Variants in CAPN9 observed in about 807,000 individuals in gnomAD.
The protein encoded by CAPN9 is calpain 9.
Under a neutral mutation model 92.8 loss-of-function variants are expected in CAPN9, and 81 were observed. The ratio of observed to expected loss-of-function variants is 0.87; its 90% CI spans 0.73 to 1.05. The LOEUF (loss-of-function observed/expected upper bound fraction) is 1.05. CAPN9 is among the 50% of genes least tolerant of loss of function. CAPN9 has a pLI of 0.00. For missense variants in CAPN9, 848 were observed against 866.2 expected, an observed-to-expected ratio of 0.98 and a Z score of 0.26; for synonymous variants, 304 against 328.0, an observed-to-expected ratio of 0.93 and a Z score of 0.79.
At chr1:230,779,779 T>A (rs1667079090) in intron 9 of CAPN9, among the ~76,000 whole-genome samples, 1 of 152,086 alleles carries the variant, frequency 6.6e-6, no homozygotes, top group Non-Finnish European at 1.5e-5. Context: ...TCAATCCTAC[T>A]CAAACGGCCC....
chr1:230,783,751 T>G (rs1667384097), intron 11 of CAPN9, among the ~76,000 whole-genome samples: 1 of 152,194 alleles, frequency 6.6e-6, no homozygotes, highest in Non-Finnish European at 1.5e-5. Flanking sequence ...GTTATAAAGA[T>G]AACTGAAAAT....
chr1:230,796,293 C>A (rs1210790815), intron 18 of CAPN9, among the ~76,000 whole-genome samples: 5 of 150,820 alleles, frequency 3.3e-5, no homozygotes, highest in Non-Finnish European at 5.9e-5. Context: ...CACTGCACTC[C>A]AGCCTGGGCA....
At chr1:230,793,627 A>G (rs1425324233) in intron 17 of CAPN9, among the ~76,000 whole-genome samples, 1 of 152,162 alleles carries the variant, frequency 6.6e-6, no homozygotes, top group Non-Finnish European at 1.5e-5. Context: ...CACCTCACAG[A>G]TAGGGGCCTC....
At chr1:230,753,840 T>C (rs1558082429) in intron 1 of CAPN9, among the ~76,000 whole-genome samples, 1 of 136,764 alleles carries the variant, frequency 7.3e-6, no homozygotes, top group Admixed American at 7.6e-5. Flanking sequence ...CGGCCCGGCT[T>C]CCTCCCTCCC....
chr1:230,774,736 TTTC>T (rs1558100181), intron 8 of CAPN9, 105 bp downstream of exon 8: 3 of 476,962 alleles, frequency 6.3e-6, no homozygotes, highest in East Asian at 3.1e-5. Flanking sequence ...TCTTTCTTTC[TTTC>T]TTTTTTTTTT....
intron 6 of CAPN9, among the ~76,000 whole-genome samples, chr1:230,770,555 C>T (rs1351729950): frequency 1.3e-5 from 2 of 152,080 alleles, no homozygotes; most frequent in Non-Finnish European, 2.9e-5. Context: ...TAGCTGTAGC[C>T]CAGGGTGGAA....
At chr1:230,801,507 A>G in intron 19 of CAPN9, 63 bp from the exon 20 acceptor site, 1 of 1,545,584 alleles carries the variant, frequency 6.5e-7, no homozygotes, top group African/African-American at 1.4e-5. Context: ...GCCACTCCTG[A>G]GGCTGAGGCT....
In CAPN9 at chr1:230,751,066, C is replaced by A. The variant is rs536289809; in HGVS notation, c.213+3357C>A. On this transcript the variant is annotated intron_variant, in intron 1 of 19. Coordinates refer to ENST00000271971, the MANE Select transcript of CAPN9 (RefSeq NM_006615.3). ...CCCATTTATTTTTGGCCAGGCAATT[C>A]CCCCCCACCAATTCTCAGTGTAAAT... 1.1e-4 allele frequency among the ~76,000 whole-genome samples: 17 copies of A among 152,222 alleles called. No homozygotes were observed. The East Asian group carries it at 2.5e-3, about 22-fold the overall frequency.
chr1:230,795,399 T>C, intron 18 of CAPN9, 120 bp downstream of exon 18: 1 of 668,170 alleles, frequency 1.5e-6, no homozygotes, highest in Non-Finnish European at 2.7e-6. Flanking sequence ...AGAGCCATGG[T>C]CTGATGTGTG....
chr1:230,791,165 A>G (rs1005966650), intron 14 of CAPN9, among the ~76,000 whole-genome samples: 1 of 152,098 alleles, frequency 6.6e-6, no homozygotes, highest in African/African-American at 2.4e-5. Flanking sequence ...TTTGGTCATT[A>G]TGAATAATGC....
chr1:230,781,270 A>G (rs540136566), intron 11 of CAPN9, among the ~76,000 whole-genome samples: 1 of 152,316 alleles, frequency 6.6e-6, no homozygotes, highest in African/African-American at 2.4e-5. Context: ...GCTGTTTTCT[A>G]CTGGTCCCAG....
chr1:230,769,042 G>A (rs896435135), intron 5 of CAPN9, 138 bp from the exon 6 acceptor site: 2 of 684,530 alleles, frequency 2.9e-6, no homozygotes, highest in African/African-American at 1.8e-5. Context: ...CCCGTGCATA[G>A]CCCACGCACA....
At position 230,750,550 on chromosome 1, in the gene CAPN9, G is replaced by A. The variant is rs193219900; in HGVS notation, c.213+2841G>A. 2.6e-5 allele frequency among the ~76,000 whole-genome samples: 4 copies of A among 152,334 alleles called. No individual in the cohort carries two copies. The East Asian group carries it at 5.8e-4, about 22-fold the overall frequency. On this transcript the variant is annotated intron_variant, in intron 1 of 19. Transcript: ENST00000271971. ...GCATAGAGTCGCAGGGAGCCGGGGGGTAGCGGGCCATAGGGAAATCACAAG... is the reference window on the plus strand; with the variant it reads ...GCATAGAGTCGCAGGGAGCCGGGGGATAGCGGGCCATAGGGAAATCACAAG...
At chr1:230,784,143 A>G (rs75716895) in intron 11 of CAPN9, among the ~76,000 whole-genome samples, 3 of 152,206 alleles carry the variant, frequency 2.0e-5, no homozygotes, top group African/African-American at 7.2e-5. Flanking sequence ...ATACTCAGAT[A>G]TGGGAGCAAA....
At chr1:230,796,437 C>T (rs565393404) in intron 18 of CAPN9, among the ~76,000 whole-genome samples, 1 of 152,170 alleles carries the variant, frequency 6.6e-6, no homozygotes, top group Non-Finnish European at 1.5e-5. Flanking sequence ...AGCATGATAG[C>T]TCCCTCTGCT....
At chr1:230,767,967 A>G (rs1249913997) in intron 5 of CAPN9, among the ~76,000 whole-genome samples, 1 of 151,648 alleles carries the variant, frequency 6.6e-6, no homozygotes, top group African/African-American at 2.4e-5. Context: ...TACATATGTA[A>G]CAAACCTGCA....
At chr1:230,800,314 A>C (rs1668649995) in intron 19 of CAPN9, among the ~76,000 whole-genome samples, 1 of 149,544 alleles carries the variant, frequency 6.7e-6, no homozygotes, top group East Asian at 2.0e-4. Context: ...AAGGAAAAAC[A>C]AGAGAGACCC....
At position 230,801,701 on chromosome 1, in the gene CAPN9, C is replaced by T. The variant is rs1668736599; in HGVS notation, c.*105C>T. ...AACCATTACGCCCAGGGTTCACTCCCCTCTCATCGTCCGGCCTTCTCCCTT... is the reference window on the plus strand; with the variant it reads ...AACCATTACGCCCAGGGTTCACTCCTCTCTCATCGTCCGGCCTTCTCCCTT... On this transcript the variant is annotated 3_prime_UTR_variant, in exon 20 of 20. Transcript: ENST00000271971. 1 of 994,932 alleles carries T rather than the reference C, an allele frequency of 1.0e-6. No individual in the cohort carries two copies. The allele number at this position is 994,932 out of a possible 1,614,324, so 61.6% of individuals were successfully genotyped here.
intron 14 of CAPN9, 63 bp from the exon 15 acceptor site, chr1:230,791,801 C>A: frequency 7.7e-7 from 1 of 1,304,414 alleles, no homozygotes; most frequent in Non-Finnish European, 1.1e-6. Flanking sequence ...GGGCTTTCAG[C>A]AGATGGGTAC....
Sources: allele counts gnomAD v4.1 joint callset (sites outside exome capture counted in the v4.1 genomes callset), GRCh38; gene constraint gnomAD v4.1.1; transcripts MANE v1.5; gene names NCBI Gene and HGNC (gene_info 2026-07-23, HGNC 2026-07-21).